Variants in PIGL observed in about 807,000 individuals in gnomAD.
PIGL encodes the protein phosphatidylinositol glycan anchor biosynthesis class L, also known as N-acetylglucosaminyl-phosphatidylinositol de-N-acetylase.
A neutral mutation model predicts 31.1 loss-of-function variants in PIGL; 22 were observed. The ratio of observed to expected loss-of-function variants is 0.71; its 90% CI spans 0.51 to 1.01. PIGL has a LOEUF of 1.01. PIGL is among the 50% of genes least tolerant of loss of function. The pLI, the probability that PIGL is intolerant of heterozygous loss-of-function variation, is 0.00. For synonymous variants in PIGL, 131 were observed against 117.4 expected (o/e 1.12, Z -0.75); for missense variants, 302 against 315.9 (o/e 0.96, Z 0.33).
At chr17:16,223,947 T>C (rs756824859) in intron 1 of PIGL, among the ~76,000 whole-genome samples, 1 of 152,148 alleles carries the variant, frequency 6.6e-6, no homozygotes, top group Non-Finnish European at 1.5e-5. Flanking sequence ...CCAGAAGTGT[T>C]GGTTCACGCC....
At chr17:16,272,439 T>C (rs2092876868) in intron 2 of PIGL, among the ~76,000 whole-genome samples, 1 of 152,218 alleles carries the variant, frequency 6.6e-6, no homozygotes, top group African/African-American at 2.4e-5. Flanking sequence ...CATATTTGTT[T>C]GTTCAAGATT....
chr17:16,325,764 A>G lies in PIGL; in HGVS notation c.661-36A>G, dbSNP rs1347754494. The G allele has an allele frequency of 6.7e-6, 10 of 1,495,756 alleles. No homozygotes were observed. The African/African-American group carries it at 1.2e-4, about 19-fold the overall frequency. The allele number at this position is 1,495,756 out of a possible 1,614,324, so 92.7% of individuals were successfully genotyped here. ...GAAAGTAATGAAACAACTCCAGTGC[A>G]ACTGTTTCATAACTGGTTCTCTTTG... On this transcript the variant is annotated intron_variant, in intron 6 of 6. Coordinates refer to ENST00000225609, the MANE Select transcript of PIGL (RefSeq NM_004278.4).
chr17:16,313,437 T>C (rs2093063220), intron 3 of PIGL, 110 bp from the exon 4 acceptor site: 2 of 796,662 alleles, frequency 2.5e-6, no homozygotes, highest in Non-Finnish European at 4.5e-6. Context: ...AGATGCTGCA[T>C]TTGAAAAGTT....
chr17:16,306,852 G>A (rs1280285440), intron 3 of PIGL, among the ~76,000 whole-genome samples: 2 of 152,058 alleles, frequency 1.3e-5, no homozygotes, highest in Non-Finnish European at 2.9e-5. Context: ...TATCAACACC[G>A]AAGGGGTGAG....
intron 1 of PIGL, among the ~76,000 whole-genome samples, chr17:16,222,395 G>A (rs1441257198): frequency 6.6e-6 from 1 of 152,022 alleles, no homozygotes; most frequent in African/African-American, 2.4e-5. Context: ...TTCAGTTTAA[G>A]GGAAAGGGAG....
At chr17:16,285,515 G>A (rs2092933701) in intron 2 of PIGL, among the ~76,000 whole-genome samples, 1 of 152,100 alleles carries the variant, frequency 6.6e-6, no homozygotes, top group Admixed American at 6.5e-5. Flanking sequence ...AACCCGGGCG[G>A]CAGAGGTTGC....
intron 5 of PIGL, chr17:16,317,246 G>A (rs2093081969): frequency 1.0e-6 from 1 of 1,003,452 alleles, no homozygotes; most frequent in Non-Finnish European, 1.2e-6. Flanking sequence ...CCCTTTCTAT[G>A]TGGGATGACT....
intron 2 of PIGL, among the ~76,000 whole-genome samples, chr17:16,269,201 G>A (rs2092858982): frequency 6.6e-6 from 1 of 152,176 alleles, no homozygotes; most frequent in Admixed American, 6.5e-5. Context: ...CTTCTCAAAG[G>A]TACACATAGG....
At chr17:16,319,934 T>C (rs558442453) in intron 6 of PIGL, among the ~76,000 whole-genome samples, 1 of 151,752 alleles carries the variant, frequency 6.6e-6, no homozygotes, top group East Asian at 2.0e-4. Context: ...TCAGTTTGTC[T>C]CCAGGTGCAT....
chr17:16,302,747 G>A lies in PIGL; in HGVS notation c.426+2769G>A, dbSNP rs138184865. Among the ~76,000 whole-genome samples the A allele has an allele frequency of 8.0e-3, 1,218 of 151,944 alleles. 9 individuals carry two copies. The highest frequency in any genetic ancestry group is 0.013 in the Non-Finnish European group (874 of 67,968). The stretch of plus-strand genomic sequence containing the variant: ...TCTGAGTAGCTGGGACTACAGGTGC[G>A]CGCCACCACGCCCAGATAATTTTTG... On this transcript the variant is annotated intron_variant, in intron 3 of 6. Transcript: ENST00000225609.
At chr17:16,250,432 TA>T (rs1037434121) in intron 2 of PIGL, among the ~76,000 whole-genome samples, 3 of 152,182 alleles carry the variant, frequency 2.0e-5, no homozygotes, top group African/African-American at 7.2e-5. Context: ...CTGTACCTCC[TA>T]AAAACCTGCC....
chr17:16,324,047 C>T (rs1490647934), intron 6 of PIGL, among the ~76,000 whole-genome samples: 1 of 151,886 alleles, frequency 6.6e-6, no homozygotes, highest in African/African-American at 2.4e-5. Context: ...ACCTCTGCCT[C>T]CTGGGTTCAA....
At chr17:16,220,780 G>A (rs1461572442) in intron 1 of PIGL, among the ~76,000 whole-genome samples, 4 of 152,168 alleles carry the variant, frequency 2.6e-5, no homozygotes, top group Middle Eastern at 3.4e-3. Context: ...GAGCCACCGC[G>A]CCCAGCCACG....
intron 6 of PIGL, among the ~76,000 whole-genome samples, chr17:16,323,154 G>C (rs1463799979): frequency 6.6e-6 from 1 of 152,164 alleles, no homozygotes; most frequent in Non-Finnish European, 1.5e-5. Context: ...CAATGGTTCA[G>C]TATTCACTAA....
chr17:16,231,156 G>A (rs1271599354), intron 1 of PIGL, among the ~76,000 whole-genome samples: 7 of 139,080 alleles, frequency 5.0e-5, no homozygotes, highest in Admixed American at 7.6e-5. Context: ...CAGTGTGCCC[G>A]CCTTCCAAAG....
intron 2 of PIGL, among the ~76,000 whole-genome samples, chr17:16,244,564 T>C (rs2092736346): frequency 6.6e-6 from 1 of 152,240 alleles, no homozygotes; most frequent in African/African-American, 2.4e-5. Flanking sequence ...GTTATTAAGA[T>C]CTTTACTCTG....
chr17:16,311,797 A>T (rs1011412965), intron 3 of PIGL, among the ~76,000 whole-genome samples: 3 of 152,156 alleles, frequency 2.0e-5, no homozygotes, highest in African/African-American at 7.2e-5. Flanking sequence ...GATCAACAGC[A>T]TCGCAAGGCA....
At position 16,316,688 on chromosome 17, in the gene PIGL, C is replaced by G. The variant is rs868164180; in HGVS notation, c.502C>G (p.His168Asp). ...IALYAAVRAL[H>D]SEGKLPKGCS... ...GTCCTATCCCTCCTCCAGGGCCCTG[C>G]ACTCAGAAGGGAAGTTACCTAAAGG... Residue 168 changes from histidine to aspartate, a missense_variant, in exon 5 of 7, where the codon CAC (histidine) becomes GAC (aspartate). Coordinates refer to ENST00000225609, the MANE Select transcript of PIGL (RefSeq NM_004278.4). 1.2e-6 allele frequency: 2 copies of G among 1,605,282 alleles called. No homozygotes were observed. Among genetic ancestry groups the G allele is most frequent in the Middle Eastern group, 3.3e-4 (2 of 6,028 alleles).
chr17:16,312,210 G>C (rs1465242633), intron 3 of PIGL, among the ~76,000 whole-genome samples: 2 of 150,692 alleles, frequency 1.3e-5, no homozygotes, highest in Non-Finnish European at 3.0e-5. Context: ...AGATGGGGCG[G>C]CTGCCGGGCG....
Sources: allele counts gnomAD v4.1 joint callset (sites outside exome capture counted in the v4.1 genomes callset), GRCh38; gene constraint gnomAD v4.1.1; transcripts MANE v1.5; gene names NCBI Gene and HGNC (gene_info 2026-07-23, HGNC 2026-07-21).